The following ZNF444 variants were observed in gnomAD, a reference collection of about 807,000 sequenced individuals.
ZNF444 encodes the protein endothelial zinc finger protein 2.
A neutral mutation model predicts 14.4 loss-of-function variants in ZNF444; 8 were observed. The observed-to-expected ratio is 0.56, with a 90% CI of 0.33 to 1.00. ZNF444 has a LOEUF of 1.00. Ranked by LOEUF, ZNF444 falls within the 50% of genes least tolerant of loss-of-function variation. The probability of loss-of-function intolerance (pLI) is 0.03; values close to 1 mark genes in which losing one functional copy is unlikely to be tolerated. For missense variants in ZNF444, 510 were observed against 504.8 expected, an observed-to-expected ratio of 1.01 and a Z score of -0.10; for synonymous variants, 258 against 235.9, an observed-to-expected ratio of 1.09 and a Z score of -0.86.
upstream of ZNF444, among the ~76,000 whole-genome samples, chr19:56,136,892 C>T (rs763478818): frequency 1.1e-4 from 16 of 152,062 alleles, no homozygotes; most frequent in Non-Finnish European, 1.9e-4. Context: ...GTGATTCTCC[C>T]GCCTCAGCCT....
intron 3 of ZNF444, chr19:56,150,412 C>T (rs1389189116): frequency 2.9e-6 from 1 of 346,734 alleles, no homozygotes; most frequent in Non-Finnish European, 5.6e-6. Context: ...TCTCTGCTTG[C>T]TCCGAGGCGA....
chr19:56,148,555 C>T (rs770960640), intron 3 of ZNF444, among the ~76,000 whole-genome samples: 10 of 152,082 alleles, frequency 6.6e-5, no homozygotes, highest in Non-Finnish European at 1.0e-4. Context: ...ATCCGTCTCC[C>T]TTCTCATGCG....
At chr19:56,142,371 A>T (rs948347092) in intron 1 of ZNF444, 1 of 152,016 alleles carries the variant, frequency 6.6e-6, no homozygotes, top group African/African-American at 2.4e-5. Flanking sequence ...TTTGCCCCAG[A>T]GCCTTTGTGC....
At position 56,147,163 on chromosome 19, in the gene ZNF444, G is replaced by A. The variant is rs2031245973; in HGVS notation, c.252G>A (p.Gln84=). Residue 84 remains glutamine (Q), a synonymous_variant, in exon 3 of 5, where the codon CAG becomes CAA. Coordinates refer to ENST00000337080, the MANE Select transcript of ZNF444 (RefSeq NM_018337.4). The surrounding 1 kb of genome is among the most constrained non-coding windows in gnomAD (Gnocchi z 5.9). Reference sequence around the variant, plus strand: ...CGCAGGCCTGGGTGTGCAGCCGGCAGCCGCAGAGCGGGGAGGAGGCGGTGG... The same window carrying A: ...CGCAGGCCTGGGTGTGCAGCCGGCAACCGCAGAGCGGGGAGGAGGCGGTGG... ...ADTQAWVCSR[Q]PQSGEEAVAL... 2.0e-6 allele frequency: 3 copies of A among 1,504,520 alleles called. No individual in the cohort carries two copies. The highest frequency in any genetic ancestry group is 2.6e-6 in the Non-Finnish European group (3 of 1,132,684). 93.2% of individuals were successfully genotyped at this position (1,504,520 alleles called of 1,614,324 possible).
chr19:56,154,088 C>A (rs919230590), intron 3 of ZNF444, among the ~76,000 whole-genome samples: 1 of 152,146 alleles, frequency 6.6e-6, no homozygotes, highest in Non-Finnish European at 1.5e-5. Flanking sequence ...CCGTGTTCAA[C>A]GTACACAATG....
rs546753554 is a variant in ZNF444, at chr19:56,148,442, C to T, written c.297+1234C>T. 9.2e-5 allele frequency among the ~76,000 whole-genome samples: 14 copies of T among 152,260 alleles called. No individual in the cohort carries two copies. The South Asian group carries it at 2.9e-3, about 32-fold the overall frequency. On this transcript the variant is annotated intron_variant, in intron 3 of 4. Transcript: ENST00000337080. ...CTGAGATGTAGCAGCAGAGAGGGGG[C>T]ATCTCGGTGAGGCAAAGCGAGCAAA...
chr19:56,145,529 T>G lies in ZNF444; in HGVS notation c.-196-718T>G, dbSNP rs2031119360. Among the ~76,000 whole-genome samples, 1 of 151,788 alleles carries G rather than the reference T, an allele frequency of 6.6e-6. No individual in the cohort carries two copies. Among genetic ancestry groups the G allele is most frequent in the Admixed American group, 6.6e-5 (1 of 15,254 alleles). On this transcript the variant is annotated intron_variant, in intron 1 of 4. Transcript: ENST00000337080. This position sits in a 1 kb window ranked among gnomAD's most constrained non-coding sequence, Gnocchi z 4.3. Reference sequence around the variant, plus strand: ...TGACCCTGGGAGGCGGAGGTTGCAGTGAACCAAGATCGCACCATTGCACTC... The same window carrying G: ...TGACCCTGGGAGGCGGAGGTTGCAGGGAACCAAGATCGCACCATTGCACTC...
intron 1 of ZNF444, among the ~76,000 whole-genome samples, chr19:56,133,258 A>G (rs2030530974): frequency 6.6e-6 from 1 of 150,406 alleles, no homozygotes; most frequent in African/African-American, 2.4e-5. Context: ...TTTTTAGTAG[A>G]GACTTGGTTT....
rs995484264 is a variant in ZNF444 at position 56,144,425 on chromosome 19, A to G, written c.-196-1822A>G. ...CATGGTCTCATGGCCATAGTAAGCA[A>G]TTTGGGTTTTGAGCATCACAGGAAG... is the stretch of plus-strand genomic sequence containing the variant. On this transcript the variant is annotated intron_variant, in intron 1 of 4. Transcript: ENST00000337080. The surrounding 1 kb of genome is among the most constrained non-coding windows in gnomAD (Gnocchi z 4.0). Among the ~76,000 whole-genome samples the G allele has an allele frequency of 6.6e-5, 10 of 152,300 alleles. No homozygotes were observed. The highest frequency in any genetic ancestry group is 6.2e-4 in the South Asian group (3 of 4,826).
chr19:56,148,560 C>T (rs2031356161), intron 3 of ZNF444, among the ~76,000 whole-genome samples: 1 of 152,134 alleles, frequency 6.6e-6, no homozygotes, highest in Non-Finnish European at 1.5e-5. Flanking sequence ...TCTCCCTTCT[C>T]ATGCGGCCCG....
intron 3 of ZNF444, among the ~76,000 whole-genome samples, chr19:56,148,411 T>G (rs2031343115): frequency 1.3e-5 from 2 of 151,940 alleles, no homozygotes; most frequent in Non-Finnish European, 2.9e-5. Context: ...GAGTGCCTGC[T>G]GGGTGCTGAG....
chr19:56,134,933 A>T (rs1356809108), intron 1 of ZNF444, among the ~76,000 whole-genome samples: 1 of 146,732 alleles, frequency 6.8e-6, no homozygotes, highest in Non-Finnish European at 1.5e-5. Context: ...TTATTTCTTT[A>T]AAAAAAAAAA....
chr19:56,148,837 T>C (rs1378388259), intron 3 of ZNF444, among the ~76,000 whole-genome samples: 1 of 151,446 alleles, frequency 6.6e-6, no homozygotes, highest in South Asian at 2.1e-4. Context: ...AAAATCGAGG[T>C]GTCTGCAGGG....
chr19:56,148,818 T>C (rs1652720728), intron 3 of ZNF444, among the ~76,000 whole-genome samples: 1 of 151,990 alleles, frequency 6.6e-6, no homozygotes, highest in African/African-American at 2.4e-5. Flanking sequence ...TGGTTTGGTC[T>C]CATGGCCCAA....
chr19:56,149,472 CACTT>C (rs2031441542), intron 3 of ZNF444, among the ~76,000 whole-genome samples: 2 of 152,062 alleles, frequency 1.3e-5, no homozygotes, highest in Admixed American at 6.6e-5. Context: ...GTCCTGTGGT[CACTT>C]ATTTATTTAT....
At chr19:56,138,922 G>A (rs958240060), upstream of ZNF444, among the ~76,000 whole-genome samples, 23 of 145,740 alleles carry the variant, frequency 1.6e-4, no homozygotes, top group Admixed American at 1.4e-4. Flanking sequence ...TCACCCTCCC[G>A]AGTAGCTGGG....
upstream of ZNF444, among the ~76,000 whole-genome samples, chr19:56,137,027 C>T (rs1048288587): frequency 3.3e-5 from 5 of 151,512 alleles, no homozygotes; most frequent in Admixed American, 6.6e-5. Context: ...AGGTAATCCA[C>T]CTGCCTCGGC....
chr19:56,134,724 A>T (rs1309787433), intron 1 of ZNF444, among the ~76,000 whole-genome samples: 1 of 152,118 alleles, frequency 6.6e-6, no homozygotes, highest in African/African-American at 2.4e-5. Flanking sequence ...CCTGTCCTAA[A>T]CGCTGGTGTG....
rs999790504 is a variant in ZNF444 at position 56,145,023 on chromosome 19, G to A, written c.-196-1224G>A. Among the ~76,000 whole-genome samples the A allele has an allele frequency of 2.0e-5, 3 of 152,344 alleles. No homozygotes were observed. The East Asian group carries it at 5.8e-4, about 29-fold the overall frequency. ...CACCCAGGCCCTGTCACAGCCACTC[G>A]GTAGCTCCAAGGCGGCCGTGGACAG... On this transcript the variant is annotated intron_variant, in intron 1 of 4. Coordinates refer to ENST00000337080, the MANE Select transcript of ZNF444 (RefSeq NM_018337.4). The surrounding 1 kb of genome is among the most constrained non-coding windows in gnomAD (Gnocchi z 4.3).
Sources: allele counts gnomAD v4.1 joint callset (sites outside exome capture counted in the v4.1 genomes callset), GRCh38; gene constraint gnomAD v4.1.1; non-coding constraint Gnocchi (gnomAD v3.1); transcripts MANE v1.5; gene names NCBI Gene and HGNC (gene_info 2026-07-23, HGNC 2026-07-21).